Variants in SPSB4 observed in about 807,000 individuals in gnomAD.
The protein encoded by SPSB4 is SPRY domain-containing SOCS box protein 4.
SPSB4 carries 21 observed loss-of-function variants against 20.9 expected under a neutral mutation model. That is an observed-to-expected ratio of 1.01 (90% CI 0.71 to 1.45). SPSB4 has a LOEUF of 1.45. SPSB4 is among the 40% of genes most tolerant of loss of function. The pLI is 0.00. For missense variants in SPSB4, 399 were observed against 399.2 expected, an observed-to-expected ratio of 1.00 and a Z score of 0.00; for synonymous variants, 207 against 183.8, an observed-to-expected ratio of 1.13 and a Z score of -1.02.
chr3:141,120,153 T>C (rs543382574), intron 2 of SPSB4, among the ~76,000 whole-genome samples: 74 of 152,378 alleles, frequency 4.9e-4, no homozygotes, highest in Non-Finnish European at 1.0e-3. Context: ...TATTTATTTC[T>C]GCCTTCATTT....
At chr3:141,067,042 A>G (rs1937900328) in intron 2 of SPSB4, among the ~76,000 whole-genome samples, 1 of 152,210 alleles carries the variant, frequency 6.6e-6, no homozygotes, top group African/African-American at 2.4e-5. Context: ...AAATAAAGTA[A>G]TAGTAATCTA....
At chr3:141,138,100 A>C (rs1475118577) in intron 2 of SPSB4, among the ~76,000 whole-genome samples, 1 of 152,228 alleles carries the variant, frequency 6.6e-6, no homozygotes, top group African/African-American at 2.4e-5. Flanking sequence ...CGTTTCTTCT[A>C]GATATTCTAG....
chr3:141,092,675 G>A (rs1373085859), intron 2 of SPSB4, among the ~76,000 whole-genome samples: 1 of 152,208 alleles, frequency 6.6e-6, no homozygotes, highest in African/African-American at 2.4e-5. Context: ...GGGGGCTCAG[G>A]CTCTTGCTGT....
chr3:141,126,270 C>T (rs1027870818), intron 2 of SPSB4, among the ~76,000 whole-genome samples: 1 of 152,190 alleles, frequency 6.6e-6, no homozygotes. Context: ...CCTCTGCCTC[C>T]ACCTCCCTGC....
rs115404807 is a variant in SPSB4, at chr3:141,108,915, C to T, written c.695-38227C>T. ...AGCGGCTTTAAATTGCACAGCAGCA[C>T]TCAGGAGGTTGTGAGAAGTCCAAGG... On this transcript the variant is annotated intron_variant, in intron 2 of 2. Coordinates refer to ENST00000310546, the MANE Select transcript of SPSB4 (RefSeq NM_080862.3). Among the ~76,000 whole-genome samples the T allele has an allele frequency of 3.6e-3, 555 of 152,302 alleles. 2 individuals are homozygous for T. Among genetic ancestry groups the T allele is most frequent in the African/African-American group, 0.012 (508 of 41,552 alleles).
intron 2 of SPSB4, among the ~76,000 whole-genome samples, chr3:141,142,493 C>A (rs113110761): frequency 0.048 from 7,306 of 152,134 alleles, 285 homozygotes; most frequent in African/African-American, 0.11. Flanking sequence ...GTCCCATGGG[C>A]TGAAGAAAAG....
In SPSB4 at chr3:141,051,750, G is replaced by T. The variant is rs1936093562; in HGVS notation, c.-396G>T. 6.6e-6 allele frequency: 1 copy of T among 152,246 alleles called. No homozygotes were observed. Among genetic ancestry groups the T allele is most frequent in the Non-Finnish European group, 1.5e-5 (1 of 68,116 alleles). 9.4% of individuals were successfully genotyped at this position (152,246 alleles called of 1,614,324 possible). A position where few individuals can be genotyped will look rare whatever the true frequency, so the allele number is the denominator to read the frequency against. On this transcript the variant is annotated 5_prime_UTR_variant, in exon 1 of 3. Transcript: ENST00000310546. Reference sequence around the variant, plus strand: ...CCCCACTCCAGGCCCGACCCCCGGCGCCTGAGCGCCAACTTCGCCAAGAAC... The same window carrying T: ...CCCCACTCCAGGCCCGACCCCCGGCTCCTGAGCGCCAACTTCGCCAAGAAC...
chr3:141,128,656 G>A (rs138748526), intron 2 of SPSB4, among the ~76,000 whole-genome samples: 54 of 152,194 alleles, frequency 3.5e-4, no homozygotes, highest in African/African-American at 1.1e-3. Context: ...GAAGGAGCTG[G>A]GGTTGCAGTT....
chr3:141,086,074 C>T (rs60547554), intron 2 of SPSB4, among the ~76,000 whole-genome samples: 3,091 of 152,332 alleles, frequency 0.02, 125 homozygotes, highest in African/African-American at 0.071. Context: ...GCTGCAGCCT[C>T]ATCCCCTGGT....
chr3:141,138,328 A>C lies in SPSB4; in HGVS notation c.695-8814A>C, dbSNP rs144322156. On this transcript the variant is annotated intron_variant, in intron 2 of 2. Coordinates refer to ENST00000310546, the MANE Select transcript of SPSB4 (RefSeq NM_080862.3). ...TTTTTGAAGGGTTTTTTGTGTCTCTATCTCCTTCAGTTCTGCTCTGATCTT... is the reference window on the plus strand; with the variant it reads ...TTTTTGAAGGGTTTTTTGTGTCTCTCTCTCCTTCAGTTCTGCTCTGATCTT... Among the ~76,000 whole-genome samples the C allele has an allele frequency of 4.5e-3, 689 of 152,032 alleles. 8 individuals are homozygous for C. Among genetic ancestry groups the C allele is most frequent in the African/African-American group, 0.015 (635 of 41,476 alleles).
chr3:141,060,044 C>T (rs558015995), intron 1 of SPSB4, among the ~76,000 whole-genome samples: 9 of 152,320 alleles, frequency 5.9e-5, no homozygotes, highest in South Asian at 2.1e-4. Context: ...CTCTGCTGTG[C>T]GCCCTGTACT....
At chr3:141,066,896 G>T (rs1237395733) in intron 2 of SPSB4, 98 bp downstream of exon 2, 1 of 1,231,006 alleles carries the variant, frequency 8.1e-7, no homozygotes, top group East Asian at 2.6e-5. Context: ...GGAGGATCCT[G>T]CAATGTGGAG....
intron 2 of SPSB4, among the ~76,000 whole-genome samples, chr3:141,074,277 T>C (rs1411823021): frequency 6.6e-6 from 1 of 152,156 alleles, no homozygotes; most frequent in Non-Finnish European, 1.5e-5. Flanking sequence ...CTACGAGGTG[T>C]CAGGATCATG....
At chr3:141,115,330 C>T (rs1346554243) in intron 2 of SPSB4, 1 of 152,176 alleles carries the variant, frequency 6.6e-6, no homozygotes. Context: ...GGTGGATGAG[C>T]TTTATTCTGC....
chr3:141,083,967 G>A (rs1367769051), intron 2 of SPSB4, among the ~76,000 whole-genome samples: 1 of 152,122 alleles, frequency 6.6e-6, no homozygotes, highest in Non-Finnish European at 1.5e-5. Context: ...CAGAAAGCCT[G>A]GGCTTGCCTC....
chr3:141,136,468 T>A (rs536002285), intron 2 of SPSB4, among the ~76,000 whole-genome samples: 34 of 152,348 alleles, frequency 2.2e-4, no homozygotes, highest in African/African-American at 7.5e-4. Flanking sequence ...TTTTTATGGT[T>A]TTAGGTCTAA....
At chr3:141,082,523 T>C (rs1306286304) in intron 2 of SPSB4, among the ~76,000 whole-genome samples, 1 of 152,224 alleles carries the variant, frequency 6.6e-6, no homozygotes, top group Non-Finnish European at 1.5e-5. Flanking sequence ...GATAAACTTT[T>C]TCTGTCACAG....
intron 2 of SPSB4, among the ~76,000 whole-genome samples, chr3:141,111,705 T>G (rs1938800555): frequency 6.6e-6 from 1 of 152,142 alleles, no homozygotes; most frequent in Non-Finnish European, 1.5e-5. Flanking sequence ...TCTAGGGTGT[T>G]TTTGGAATGA....
chr3:141,054,173 A>G (rs1238059040), intron 1 of SPSB4, among the ~76,000 whole-genome samples: 1 of 152,164 alleles, frequency 6.6e-6, no homozygotes, highest in Non-Finnish European at 1.5e-5. Context: ...ACCATACAGG[A>G]GTTACTTAAT....
Sources: allele counts gnomAD v4.1 joint callset (sites outside exome capture counted in the v4.1 genomes callset), GRCh38; gene constraint gnomAD v4.1.1; transcripts MANE v1.5; gene names NCBI Gene and HGNC (gene_info 2026-07-23, HGNC 2026-07-21).